The following ACSF3 variants were observed in gnomAD, a reference collection of about 807,000 sequenced individuals.
ACSF3 encodes the protein malonate--CoA ligase ACSF3, mitochondrial.
ACSF3 carries 78 observed loss-of-function variants against 53.2 expected under a neutral mutation model. That is an observed-to-expected ratio of 1.47 (90% CI 1.22 to 1.77). ACSF3 has a LOEUF of 1.77. Among genes scored for constraint, ACSF3 ranks in the 40% most tolerant of loss-of-function variants. The probability of loss-of-function intolerance (pLI) is 0.00; values close to 1 mark genes in which losing one functional copy is unlikely to be tolerated. For synonymous variants in ACSF3, 414 were observed against 333.1 expected, an observed-to-expected ratio of 1.24 and a Z score of -2.65; for missense variants, 937 against 771.1, an observed-to-expected ratio of 1.22 and a Z score of -2.55.
intron 8 of ACSF3, 120 bp from the exon 9 acceptor site, chr16:89,145,147 C>A: frequency 1.2e-6 from 2 of 1,609,642 alleles, no homozygotes; most frequent in Non-Finnish European, 1.7e-6. Context: ...GTAACCAGAG[C>A]CCCCTTTCCT....
At position 89,098,579 on chromosome 16, in the gene ACSF3, G is replaced by A; in HGVS notation, c.-193-12G>A. ...CACAGCCTGGGACCTCAGCACAGAT[G>A]CCCGTTGACAGGTGTCCCACCGGCC... On this transcript the variant is annotated splice_polypyrimidine_tract_variant and intron_variant, in intron 1 of 10. Transcript: ENST00000614302. The A allele has an allele frequency of 4.5e-6, 2 of 449,288 alleles. No homozygotes were observed. The highest frequency in any genetic ancestry group is 3.1e-5 in the South Asian group (2 of 64,242). 27.8% of individuals were successfully genotyped at this position (449,288 alleles called of 1,614,324 possible). A position where few individuals can be genotyped will look rare whatever the true frequency, so the allele number is the denominator to read the frequency against.
At position 89,155,514 on chromosome 16, in the gene ACSF3, C is replaced by T. The variant is rs1212325836; in HGVS notation, c.*1307C>T. The T allele has an allele frequency of 4.4e-6, 2 of 454,002 alleles. No homozygotes were observed. The highest frequency in any genetic ancestry group is 2.3e-5 in the Admixed American group (1 of 42,564). 28.1% of individuals were successfully genotyped at this position (454,002 alleles called of 1,614,324 possible). A position where few individuals can be genotyped will look rare whatever the true frequency, so the allele number is the denominator to read the frequency against. On this transcript the variant is annotated 3_prime_UTR_variant, in exon 11 of 11. Transcript: ENST00000614302. The stretch of plus-strand genomic sequence containing the variant: ...CTGTTTTCCAGGACTGGTGGGTGCC[C>T]CAGTCCACGGCCCTGCCCCACCCGA...
At chr16:89,113,546 G>C (rs1904434479) in intron 5 of ACSF3, 1 of 153,328 alleles carries the variant, frequency 6.5e-6, no homozygotes, top group Non-Finnish European at 1.5e-5. Flanking sequence ...GAGAGGATCA[G>C]GTGATTTCTG....
intron 3 of ACSF3, among the ~76,000 whole-genome samples, chr16:89,101,999 G>C (rs1975404658): frequency 1.3e-5 from 2 of 152,192 alleles, no homozygotes; most frequent in African/African-American, 4.8e-5. Context: ...GGACTCCTCT[G>C]TCCTTGCTGA....
chr16:89,136,471 A>C, intron 8 of ACSF3: 2 of 1,201,598 alleles, frequency 1.7e-6, no homozygotes, highest in Non-Finnish European at 2.1e-6. Flanking sequence ...CAATCAGCTC[A>C]CAGCTGCCGC....
chr16:89,122,580 G>A (rs1906924059), intron 7 of ACSF3: 9 of 275,258 alleles, frequency 3.3e-5, no homozygotes, highest in South Asian at 2.8e-4. Flanking sequence ...CTGCAGGGAC[G>A]GGGCTCAGCC....
At chr16:89,096,920 C>T (rs77749279) in intron 1 of ACSF3, among the ~76,000 whole-genome samples, 5,312 of 152,340 alleles carry the variant, frequency 0.035, 147 homozygotes, top group East Asian at 0.13. Flanking sequence ...GGCAGGAGTG[C>T]CCACCCACAG....
chr16:89,112,045 C>A, intron 4 of ACSF3, 47 bp from the exon 5 acceptor site: 1 of 264,162 alleles, frequency 3.8e-6, no homozygotes, highest in Non-Finnish European at 6.3e-6. Context: ...CGCCACGGGC[C>A]CCAGTGCCTG....
At chr16:89,096,917 G>C (rs1003926194) in intron 1 of ACSF3, among the ~76,000 whole-genome samples, 1 of 152,260 alleles carries the variant, frequency 6.6e-6, no homozygotes, top group African/African-American at 2.4e-5. Flanking sequence ...GGTGGCAGGA[G>C]TGCCCACCCA....
At chr16:89,122,283 C>T (rs1799325331) in intron 7 of ACSF3, 1 of 295,624 alleles carries the variant, frequency 3.4e-6, no homozygotes. Context: ...GGGCTGTTAT[C>T]CCTGTGGCCC....
At position 89,114,240 on chromosome 16, in the gene ACSF3, T is replaced by C. The variant is rs560236573; in HGVS notation, c.978-99T>C. The C allele has an allele frequency of 6.1e-4, 953 of 1,558,948 alleles. 3 individuals are homozygous for C. The highest frequency in any genetic ancestry group is 7.8e-4 in the Non-Finnish European group (892 of 1,146,740). On this transcript the variant is annotated intron_variant, in intron 5 of 10. Coordinates refer to ENST00000614302, the MANE Select transcript of ACSF3 (RefSeq NM_001243279.3). Reference sequence around the variant, plus strand: ...GCACTCGTGAAGGAGCTGCCACTTTTGCAAGCAAGGGCCGCCTCCTGAGGG... The same window carrying C: ...GCACTCGTGAAGGAGCTGCCACTTTCGCAAGCAAGGGCCGCCTCCTGAGGG...
chr16:89,121,106 C>T (rs1906544996), intron 7 of ACSF3, among the ~76,000 whole-genome samples, 193 bp downstream of exon 7: 1 of 152,264 alleles, frequency 6.6e-6, no homozygotes, highest in African/African-American at 2.4e-5. Context: ...TGCTGCGTGT[C>T]CGTCTGTGCG....
At chr16:89,108,020 C>T (rs1460121506) in intron 4 of ACSF3, among the ~76,000 whole-genome samples, 7 of 152,254 alleles carry the variant, frequency 4.6e-5, no homozygotes, top group South Asian at 2.1e-4. Context: ...TCTTACATGG[C>T]GGTGGCAAGA....
At position 89,145,387 on chromosome 16, in the gene ACSF3, AC is replaced by A. The variant is rs1217487621; in HGVS notation, c.1491del (p.Ser498AlafsTer7). On this transcript the variant is annotated frameshift_variant, in exon 9 of 11. Transcript: ENST00000614302. LOFTEE classifies it high-confidence loss of function. ...ALEVEWHLLA[H>X]PSITDVAVIG... ...GAGGTGGAGTGGCACCTGCTGGCCC[AC>A]CCCAGCATCACAGGTGCGTGGCCGG... 6.2e-7 allele frequency: 1 copy of A among 1,614,018 alleles called. No homozygotes were observed. The highest frequency in any genetic ancestry group is 1.7e-4 in the Middle Eastern group (1 of 6,056).
chr16:89,114,702 G>C (rs2151455831), intron 6 of ACSF3: 1 of 690,484 alleles, frequency 1.4e-6, no homozygotes, highest in Admixed American at 2.2e-5. Context: ...CGGGTGGATG[G>C]GGGAGGTGTC....
At chr16:89,122,942 C>T (rs1005062551) in intron 7 of ACSF3, 4 of 152,338 alleles carry the variant, frequency 2.6e-5, no homozygotes, top group African/African-American at 7.2e-5. Flanking sequence ...GCAGCAGCCT[C>T]AGCTACCTGG....
At chr16:89,112,915 C>T (rs2151448025) in intron 5 of ACSF3, among the ~76,000 whole-genome samples, 1 of 152,352 alleles carries the variant, frequency 6.6e-6, no homozygotes, top group African/African-American at 2.4e-5. Context: ...GCTGCTTTTC[C>T]TCTCAGCCCC....
At chr16:89,109,095 C>T (rs750037743) in intron 4 of ACSF3, among the ~76,000 whole-genome samples, 1 of 151,596 alleles carries the variant, frequency 6.6e-6, no homozygotes, top group African/African-American at 2.4e-5. Flanking sequence ...AGCCAGGCAC[C>T]GTGGTTCACA....
Position 89,154,175 on chromosome 16 carries a change from A to C in ACSF3, c.1699A>C (p.Lys567Gln), listed in dbSNP as rs1378299914. 2 of 1,613,582 alleles carry C rather than the reference A, an allele frequency of 1.2e-6. No individual in the cohort carries two copies. Among genetic ancestry groups the C allele is most frequent in the East Asian group, 4.5e-5 (2 of 44,862 alleles). The change falls in exon 11 of 11, where the codon AAG becomes CAG. Residue 567 changes from lysine to glutamine, a missense_variant. Physicochemically the swap from Lys to Gln is moderately conservative, Grantham distance 53. Transcript: ENST00000614302. ...GAACCAGATGGGCAAGATTGACAAGAAGGCGCTCATCAGGCACTTCCACCC... is the reference window on the plus strand; with the variant it reads ...GAACCAGATGGGCAAGATTGACAAGCAGGCGCTCATCAGGCACTTCCACCC... Reference protein sequence around the residue: ...PRNQMGKIDKKALIRHFHPS With the variant: ...PRNQMGKIDKQALIRHFHPS
Sources: gnomAD v4.1 joint callset for allele counts (sites outside exome capture counted in the v4.1 genomes callset) on GRCh38, gnomAD v4.1.1 for gene constraint, MANE v1.5 for transcripts, NCBI Gene and HGNC (gene_info 2026-07-23, HGNC 2026-07-21) for gene names.